HAPLN3: variants seen among roughly 807,000 people sequenced by gnomAD.
The protein encoded by HAPLN3 is hyaluronan and proteoglycan link protein 3, also known as extracellular link domain containing, 1.
In HAPLN3, 28 loss-of-function variants were observed where a neutral mutation model predicts 28.1. The observed-to-expected ratio is 1.00, with a 90% CI of 0.74 to 1.37. The LOEUF (loss-of-function observed/expected upper bound fraction) is 1.37. HAPLN3 is among the 40% of genes most tolerant of loss of function. The probability of loss-of-function intolerance (pLI) is 0.00; values close to 1 mark genes in which losing one functional copy is unlikely to be tolerated. For synonymous variants in HAPLN3, 211 were observed against 213.1 expected (o/e 0.99, Z 0.09); for missense variants, 513 against 504.6 (o/e 1.02, Z -0.16).
intron 1 of HAPLN3, among the ~76,000 whole-genome samples, chr15:88,887,641 G>C (rs886475765): frequency 1.3e-5 from 2 of 152,184 alleles, no homozygotes; most frequent in South Asian, 2.1e-4. Flanking sequence ...GATATGACAG[G>C]CTCAATGTTT....
Position 88,877,754 on chromosome 15 carries a change from C to A in HAPLN3, c.*216G>T, listed in dbSNP as rs1056020753. 4 of 562,302 alleles carry A rather than the reference C, an allele frequency of 7.1e-6. No individual in the cohort carries two copies. The highest frequency in any genetic ancestry group is 1.9e-5 in the African/African-American group (1 of 52,998). 34.8% of individuals were successfully genotyped at this position (562,302 alleles called of 1,614,324 possible). On this transcript the variant is annotated 3_prime_UTR_variant, in exon 5 of 5. Transcript: ENST00000359595. The surrounding 1 kb of genome is among the most constrained non-coding windows in gnomAD (Gnocchi z 5.1). The stretch of plus-strand genomic sequence containing the variant: ...GAAGCCCACAAAACCGCAAATGGCC[C>A]AGGGGAGCAAGCATGATTCCTGGAG...
In HAPLN3 at chr15:88,881,175, A is replaced by G; in HGVS notation, c.493+182T>C. The G allele has an allele frequency of 1.3e-6, 1 of 744,730 alleles. No homozygotes were observed. The highest frequency in any genetic ancestry group is 1.8e-5 in the African/African-American group (1 of 56,580). 46.1% of individuals were successfully genotyped at this position (744,730 alleles called of 1,614,324 possible). A position where few individuals can be genotyped will look rare whatever the true frequency, so the allele number is the denominator to read the frequency against. On this transcript the variant is annotated intron_variant, in intron 3 of 4. Transcript: ENST00000359595. The surrounding 1 kb of genome is among the most constrained non-coding windows in gnomAD (Gnocchi z 6.0). ...TGTGTGACCTTAGGTAAGTTACTTG[A>G]CCTCTCTGTGCCTCAGTTTTCTCAC...
chr15:88,879,947 C>T lies in HAPLN3; in HGVS notation c.494-678G>A. 9.9e-7 allele frequency: 1 copy of T among 1,006,762 alleles called. No homozygotes were observed. The highest frequency in any genetic ancestry group is 4.2e-5 in the South Asian group (1 of 23,812). 62.4% of individuals were successfully genotyped at this position (1,006,762 alleles called of 1,614,324 possible). On this transcript the variant is annotated intron_variant, in intron 3 of 4. Transcript: ENST00000359595. This position sits in a 1 kb window ranked among gnomAD's most constrained non-coding sequence, Gnocchi z 5.0. ...TTCTGAGATGTAGTCTCTACCAAGTCAATGAAACCTTAGGGAGTGGAGGTG... is the reference window on the plus strand; with the variant it reads ...TTCTGAGATGTAGTCTCTACCAAGTTAATGAAACCTTAGGGAGTGGAGGTG...
chr15:88,886,531 G>A (rs1296320495), intron 2 of HAPLN3, among the ~76,000 whole-genome samples: 1 of 151,112 alleles, frequency 6.6e-6, no homozygotes, highest in Non-Finnish European at 1.5e-5. Flanking sequence ...AGAATTATAA[G>A]ATTCAAACTC....
In HAPLN3 at chr15:88,880,461, C is replaced by T. The variant is rs1897666006; in HGVS notation, c.493+896G>A. The T allele has an allele frequency of 8.2e-7, 1 of 1,223,766 alleles. No individual in the cohort carries two copies. The highest frequency in any genetic ancestry group is 1.4e-5 in the South Asian group (1 of 72,194). 75.8% of individuals were successfully genotyped at this position (1,223,766 alleles called of 1,614,324 possible). ...GGAAAGATTGTGATACCCCATTTTA[C>T]ACCTGAGAGGCCCAGGGCTCTAAGG... On this transcript the variant is annotated intron_variant, in intron 3 of 4. Coordinates refer to ENST00000359595, the MANE Select transcript of HAPLN3 (RefSeq NM_178232.4). This position sits in a 1 kb window ranked among gnomAD's most constrained non-coding sequence, Gnocchi z 6.0.
chr15:88,891,537 T>G (rs1898013409), intron 1 of HAPLN3, among the ~76,000 whole-genome samples: 1 of 150,766 alleles, frequency 6.6e-6, no homozygotes. Context: ...GGCTTAATTG[T>G]TCTGCCCGCC....
At chr15:88,893,374 C>A (rs2141678112) in intron 1 of HAPLN3, among the ~76,000 whole-genome samples, 5 of 150,846 alleles carry the variant, frequency 3.3e-5, no homozygotes, top group Admixed American at 3.3e-4. Context: ...GCCAAGACCA[C>A]ACCACTGCAC....
chr15:88,880,031 A>G lies in HAPLN3; in HGVS notation c.494-762T>C. The G allele has an allele frequency of 4.0e-6, 4 of 993,922 alleles. No homozygotes were observed. In the South Asian group the frequency reaches 1.8e-4, roughly 45 times the overall value. 61.6% of individuals were successfully genotyped at this position (993,922 alleles called of 1,614,324 possible). ...TCCTCCGTGTGGCCAAGGACCCAGG[A>G]ACAGCCTGAGCCCCAAACCTCCGAT... On this transcript the variant is annotated intron_variant, in intron 3 of 4. Transcript: ENST00000359595. This position sits in a 1 kb window ranked among gnomAD's most constrained non-coding sequence, Gnocchi z 6.0.
Position 88,879,302 on chromosome 15 carries a change from G to T in HAPLN3, c.494-33C>A, listed in dbSNP as rs751024253. On this transcript the variant is annotated intron_variant, in intron 3 of 4. Transcript: ENST00000359595. This position sits in a 1 kb window ranked among gnomAD's most constrained non-coding sequence, Gnocchi z 5.0. ...GGAAGGAAAGAGGAGCTTAGGGGGT[G>T]GCCAGGGGCCCAGCTGGCTGGACAC... 4 of 1,603,308 alleles carry T rather than the reference G, an allele frequency of 2.5e-6. No individual in the cohort carries two copies. The highest frequency in any genetic ancestry group is 1.7e-6 in the Non-Finnish European group (2 of 1,177,596).
chr15:88,886,476 A>G (rs896632416), intron 2 of HAPLN3, among the ~76,000 whole-genome samples: 2 of 151,918 alleles, frequency 1.3e-5, no homozygotes, highest in African/African-American at 2.4e-5. Context: ...AATAACTGCT[A>G]CTTTAAAACG....
intron 2 of HAPLN3, among the ~76,000 whole-genome samples, chr15:88,885,266 G>A (rs1042855068): frequency 5.9e-5 from 9 of 152,136 alleles, no homozygotes; most frequent in African/African-American, 1.9e-4. Flanking sequence ...CCACAAACAA[G>A]TGGAACAAGT....
rs1357539639 is a variant in HAPLN3 at position 88,877,954 on chromosome 15, G to C, written c.*16C>G. On this transcript the variant is annotated 3_prime_UTR_variant, in exon 5 of 5. Transcript: ENST00000359595. This position sits in a 1 kb window ranked among gnomAD's most constrained non-coding sequence, Gnocchi z 5.1. Reference sequence around the variant, plus strand: ...CACAGCCAGTGAGGGAATGCGGCAGGGGAGGGCCCCAGGTCCTAGTGCTGG... The same window carrying C: ...CACAGCCAGTGAGGGAATGCGGCAGCGGAGGGCCCCAGGTCCTAGTGCTGG... The C allele has an allele frequency of 6.4e-7, 1 of 1,573,072 alleles. No individual in the cohort carries two copies. Among genetic ancestry groups the C allele is most frequent in the East Asian group, 2.3e-5 (1 of 44,418 alleles).
At position 88,879,290 on chromosome 15, in the gene HAPLN3, A is replaced by G; in HGVS notation, c.494-21T>C. ...CACACCTGCAGGGGAAGGAAAGAGG[A>G]GCTTAGGGGGTGGCCAGGGGCCCAG... On this transcript the variant is annotated intron_variant, in intron 3 of 4. Coordinates refer to ENST00000359595, the MANE Select transcript of HAPLN3 (RefSeq NM_178232.4). The surrounding 1 kb of genome is among the most constrained non-coding windows in gnomAD (Gnocchi z 5.0). The G allele has an allele frequency of 6.2e-7, 1 of 1,604,492 alleles. No individual in the cohort carries two copies. Among genetic ancestry groups the G allele is most frequent in the Non-Finnish European group, 8.5e-7 (1 of 1,176,756 alleles).
chr15:88,881,741 G>A lies in HAPLN3; in HGVS notation c.125-16C>T. ...TTAAGGAGGTCTTGGGGGAGAGACA[G>A]GGTGCAGATGAGACCTGCTGAAGCA... On this transcript the variant is annotated splice_polypyrimidine_tract_variant and intron_variant, in intron 2 of 4. Coordinates refer to ENST00000359595, the MANE Select transcript of HAPLN3 (RefSeq NM_178232.4). This position sits in a 1 kb window ranked among gnomAD's most constrained non-coding sequence, Gnocchi z 6.0. 6.3e-7 allele frequency: 1 copy of A among 1,595,146 alleles called. No homozygotes were observed. The highest frequency in any genetic ancestry group is 8.6e-7 in the Non-Finnish European group (1 of 1,168,650).
chr15:88,894,681 C>G (rs778968735), intron 1 of HAPLN3, among the ~76,000 whole-genome samples: 2 of 152,220 alleles, frequency 1.3e-5, no homozygotes, highest in Non-Finnish European at 2.9e-5. Context: ...TCCCGCGGGT[C>G]AGCGCTGGAC....
At chr15:88,886,169 G>C (rs1225784032) in intron 2 of HAPLN3, among the ~76,000 whole-genome samples, 1 of 151,714 alleles carries the variant, frequency 6.6e-6, no homozygotes, top group East Asian at 2.0e-4. Flanking sequence ...GGCCAACATG[G>C]AGAAACCCCC....
At chr15:88,893,774 A>G (rs1023479617) in intron 1 of HAPLN3, among the ~76,000 whole-genome samples, 12 of 151,946 alleles carry the variant, frequency 7.9e-5, no homozygotes, top group African/African-American at 2.4e-5. Context: ...CTAAAAATAC[A>G]AAAATTAGCC....
chr15:88,886,634 G>A (rs1897863545), intron 2 of HAPLN3, among the ~76,000 whole-genome samples: 1 of 152,024 alleles, frequency 6.6e-6, no homozygotes, highest in Non-Finnish European at 1.5e-5. Flanking sequence ...AGACCAGCCT[G>A]GCCAACATGG....
chr15:88,888,496 AT>A lies in HAPLN3; in HGVS notation c.-47-1152del, dbSNP rs201218521. Among the ~76,000 whole-genome samples, 34 of 151,608 alleles carry A rather than the reference AT, an allele frequency of 2.2e-4. 1 individual carries two copies. The highest frequency in any genetic ancestry group is 7.7e-4 in the African/African-American group (32 of 41,312). ...CCATGGGCTGTAGTTTGATGATTTG[AT>A]TTTTTTTTAAATATTGTATTCAAAT... On this transcript the variant is annotated intron_variant, in intron 1 of 4. Transcript: ENST00000359595. This position sits in a 1 kb window ranked among gnomAD's most constrained non-coding sequence, Gnocchi z 4.1.
Sources: gnomAD v4.1 joint callset for allele counts (sites outside exome capture counted in the v4.1 genomes callset) on GRCh38, gnomAD v4.1.1 for gene constraint, Gnocchi (gnomAD v3.1) non-coding constraint, MANE v1.5 for transcripts, NCBI Gene and HGNC (gene_info 2026-07-23, HGNC 2026-07-21) for gene names.